Variants in COL7A1 observed in about 807,000 individuals in gnomAD.
COL7A1 encodes the protein collagen alpha-1(VII) chain.
A neutral mutation model predicts 456.2 loss-of-function variants in COL7A1; 296 were observed. The ratio of observed to expected loss-of-function variants is 0.65; its 90% CI spans 0.59 to 0.71. The LOEUF (loss-of-function observed/expected upper bound fraction) is 0.71, where lower values mean the gene tolerates loss of function less well. Among genes scored for constraint, COL7A1 ranks in the 30% least tolerant of loss-of-function variants. COL7A1 has a pLI of 0.00. For synonymous variants in COL7A1, 1,464 were observed against 1,525.9 expected (o/e 0.96, Z 0.95); for missense variants, 3,441 against 4,017.2 (o/e 0.86, Z 3.88).
chr3:48,578,232 G>A lies in COL7A1; in HGVS notation c.5532+89C>T, dbSNP rs2044461752. 1.4e-6 allele frequency: 2 copies of A among 1,454,950 alleles called. No homozygotes were observed. Among genetic ancestry groups the A allele is most frequent in the East Asian group, 2.3e-5 (1 of 43,426 alleles). The allele number at this position is 1,454,950 out of a possible 1,614,324, so 90.1% of individuals were successfully genotyped here. Reference sequence around the variant, plus strand: ...GGCCAGGATGCATGTGTCTACACGTGTGCCTCATGTGTTGCTACAGATCTT... The same window carrying A: ...GGCCAGGATGCATGTGTCTACACGTATGCCTCATGTGTTGCTACAGATCTT... On this transcript the variant is annotated intron_variant, in intron 65 of 118. Transcript: ENST00000681320. This position sits in a 1 kb window ranked among gnomAD's most constrained non-coding sequence, Gnocchi z 4.7.
At position 48,581,064 on chromosome 3, in the gene COL7A1, T is replaced by TA; in HGVS notation, c.4935+57dup. ...TGGATGAACTGGTGGAGCACCAGCC[T>TA]ACTGGGATCCTAGTTCAAGGGTAAA... On this transcript the variant is annotated intron_variant, in intron 53 of 118. Transcript: ENST00000681320. This position sits in a 1 kb window ranked among gnomAD's most constrained non-coding sequence, Gnocchi z 5.8. The TA allele has an allele frequency of 6.2e-7, 1 of 1,608,736 alleles. No homozygotes were observed. Among genetic ancestry groups the TA allele is most frequent in the East Asian group, 2.2e-5 (1 of 44,844 alleles).
In COL7A1 at chr3:48,581,167, A is replaced by G; in HGVS notation, c.4900-10T>C. 1 of 1,613,830 alleles carries G rather than the reference A, an allele frequency of 6.2e-7. No individual in the cohort carries two copies. Among genetic ancestry groups the G allele is most frequent in the African/African-American group, 1.3e-5 (1 of 75,020 alleles). On this transcript the variant is annotated splice_polypyrimidine_tract_variant and intron_variant, in intron 52 of 118. Transcript: ENST00000681320. The surrounding 1 kb of genome is among the most constrained non-coding windows in gnomAD (Gnocchi z 5.8). ...TCTCTCCAACTTCACCCTGTGAAAC[A>G]TGAGAGTCAGCCCTGGTTCCAAGAA...
rs1174035538 is a variant in COL7A1, at chr3:48,580,848, A to G, written c.4980+34T>C. 4 of 1,613,334 alleles carry G rather than the reference A, an allele frequency of 2.5e-6. No homozygotes were observed. The highest frequency in any genetic ancestry group is 1.1e-5 in the South Asian group (1 of 91,040). On this transcript the variant is annotated intron_variant, in intron 54 of 118. Transcript: ENST00000681320. This position sits in a 1 kb window ranked among gnomAD's most constrained non-coding sequence, Gnocchi z 4.5. ...CCTATCACCTTCATGCCCACCTCCC[A>G]TCACCCCTGTTACTTCTCTCTGCCA...
In COL7A1 at chr3:48,593,292, C is replaced by T; in HGVS notation, c.521-29G>A. On this transcript the variant is annotated intron_variant, in intron 5 of 118. Transcript: ENST00000681320. This position sits in a 1 kb window ranked among gnomAD's most constrained non-coding sequence, Gnocchi z 4.4. ...AAGTGACGACCCATCAGGACTCAGT[C>T]ACCCACATGCTCTCTGACTGCCCCC... 1 of 1,614,130 alleles carries T rather than the reference C, an allele frequency of 6.2e-7. No homozygotes were observed.
Position 48,594,357 on chromosome 3 carries a change from C to G in COL7A1, c.266+11G>C. On this transcript the variant is annotated intron_variant, in intron 3 of 118. Coordinates refer to ENST00000681320, the MANE Select transcript of COL7A1 (RefSeq NM_000094.4). This position sits in a 1 kb window ranked among gnomAD's most constrained non-coding sequence, Gnocchi z 5.5. Reference sequence around the variant, plus strand: ...ATCTCGTGGTCCCCAGCCCCCAGGGCCCCTACTCACCGTGGGTCATCGCTG... The same window carrying G: ...ATCTCGTGGTCCCCAGCCCCCAGGGGCCCTACTCACCGTGGGTCATCGCTG... 1 of 1,606,120 alleles carries G rather than the reference C, an allele frequency of 6.2e-7. No individual in the cohort carries two copies.
At position 48,594,241 on chromosome 3, in the gene COL7A1, GT is replaced by G; in HGVS notation, c.266+126del. 3 of 1,092,672 alleles carry G rather than the reference GT, an allele frequency of 2.7e-6. No individual in the cohort carries two copies. The highest frequency in any genetic ancestry group is 1.4e-5 in the South Asian group (1 of 69,540). 67.7% of individuals were successfully genotyped at this position (1,092,672 alleles called of 1,614,324 possible). On this transcript the variant is annotated intron_variant, in intron 3 of 118. Transcript: ENST00000681320. The surrounding 1 kb of genome is among the most constrained non-coding windows in gnomAD (Gnocchi z 5.5). ...CTCCAAAGGAGGTCCTGGCTAGGGG[GT>G]CTCTAGGTTCCCCAAAACTTGTTTC...
At position 48,580,244 on chromosome 3, in the gene COL7A1, A is replaced by T; in HGVS notation, c.5097+56T>A. 6.3e-7 allele frequency: 1 copy of T among 1,590,624 alleles called. No individual in the cohort carries two copies. On this transcript the variant is annotated intron_variant, in intron 56 of 118. Transcript: ENST00000681320. The surrounding 1 kb of genome is among the most constrained non-coding windows in gnomAD (Gnocchi z 4.5). ...ACCCCTTGTGTGAAGGCACACTGGC[A>T]GCAGCGCCAGGGGACCCTCCATCCC...
chr3:48,573,604 CAG>C lies in COL7A1; in HGVS notation c.6574-49_6574-48del. The C allele has an allele frequency of 6.2e-7, 1 of 1,613,862 alleles. No individual in the cohort carries two copies. The highest frequency in any genetic ancestry group is 1.7e-5 in the Admixed American group (1 of 59,998). On this transcript the variant is annotated intron_variant, in intron 82 of 118. Coordinates refer to ENST00000681320, the MANE Select transcript of COL7A1 (RefSeq NM_000094.4). The surrounding 1 kb of genome is among the most constrained non-coding windows in gnomAD (Gnocchi z 5.5). ...AGGGAACAGGGCTCAGGGATTAACA[CAG>C]AGAAGGCCTGGCTCATCAGCTGTGG...
Position 48,581,757 on chromosome 3 carries a change from T to C in COL7A1, c.4671A>G (p.Gly1557=). 6.2e-7 allele frequency: 1 copy of C among 1,613,838 alleles called. No individual in the cohort carries two copies. Among genetic ancestry groups the C allele is most frequent in the Non-Finnish European group, 8.5e-7 (1 of 1,179,954 alleles). Residue 1557 remains glycine (G), a splice_region_variant and synonymous_variant, in exon 49 of 119, where the codon GGA becomes GGG. Transcript: ENST00000681320. This position sits in a 1 kb window ranked among gnomAD's most constrained non-coding sequence, Gnocchi z 5.8. ...PAVAGPKGEK[G]DVGPAGPRGA... Reference sequence around the variant, plus strand: ...CTCTGGGCCCAGCGGGCCCCACATCTCCCTGGAGGTGACAAAGACCATCAG... The same window carrying C: ...CTCTGGGCCCAGCGGGCCCCACATCCCCCTGGAGGTGACAAAGACCATCAG...
chr3:48,564,959 T>C lies in COL7A1; in HGVS notation c.8642A>G (p.Asp2881Gly). 6.8e-6 allele frequency: 11 copies of C among 1,614,054 alleles called. No individual in the cohort carries two copies. The highest frequency in any genetic ancestry group is 9.3e-6 in the Non-Finnish European group (11 of 1,179,984). ...DSDDPCSLPL[D>G]EGSCTAYTLR... ...GGTGTAGGCAGTGCAGGAGCCCTCA[T>C]CCAGTGGCAGGGAACAGGGGTCTGG... Residue 2881 changes from aspartate (D) to glycine (G), a missense_variant, in exon 118 of 119, where the codon GAT (aspartate) becomes GGT (glycine). By Grantham distance (94) the Asp-to-Gly change is moderately conservative. Around this residue, in one of 3 missense-constraint regions of COL7A1, gnomAD observed 2,084 missense variants for 2,501.3 expected, o/e 0.83. Transcript: ENST00000681320. The surrounding 1 kb of genome is among the most constrained non-coding windows in gnomAD (Gnocchi z 6.0).
chr3:48,588,818 G>A lies in COL7A1; in HGVS notation c.2441-30C>T, dbSNP rs777688640. ...CCAGGTGGGCATACAGCAATGGTTAGGGGTGAGCAGTCCCAGCCAGGAAGG... is the reference window on the plus strand; with the variant it reads ...CCAGGTGGGCATACAGCAATGGTTAAGGGTGAGCAGTCCCAGCCAGGAAGG... On this transcript the variant is annotated intron_variant, in intron 19 of 118. Transcript: ENST00000681320. The surrounding 1 kb of genome is among the most constrained non-coding windows in gnomAD (Gnocchi z 4.6). 6.2e-7 allele frequency: 1 copy of A among 1,613,644 alleles called. No homozygotes were observed. Among genetic ancestry groups the A allele is most frequent in the South Asian group, 1.1e-5 (1 of 91,088 alleles).
chr3:48,578,559 C>A lies in COL7A1; in HGVS notation c.5425-44G>T. 1 of 1,599,822 alleles carries A rather than the reference C, an allele frequency of 6.3e-7. No individual in the cohort carries two copies. Among genetic ancestry groups the A allele is most frequent in the Non-Finnish European group, 8.5e-7 (1 of 1,170,248 alleles). On this transcript the variant is annotated intron_variant, in intron 63 of 118. Transcript: ENST00000681320. The surrounding 1 kb of genome is among the most constrained non-coding windows in gnomAD (Gnocchi z 4.7). ...AAGATTTATAGGGCCTCTGAGATAT[C>A]CCTTGGGGCACACCCCATGGACTAA...
Position 48,572,012 on chromosome 3 carries a change from G to A in COL7A1, c.7057C>T (p.Pro2353Ser). Residue 2353 changes from proline to serine, a missense_variant, in exon 92 of 119, where the codon CCT becomes TCT. Pro to Ser is a moderately conservative substitution (Grantham distance 74). Transcript: ENST00000681320. This position sits in a 1 kb window ranked among gnomAD's most constrained non-coding sequence, Gnocchi z 4.6. ...EAGRAGEPGD[P>S]GEDGQKGAPG... ...GGCCCCGGACTCACATCTTCCCCAGGGTCTCCGGGCTCCCCTGCACGGCCA... is the reference window on the plus strand; with the variant it reads ...GGCCCCGGACTCACATCTTCCCCAGAGTCTCCGGGCTCCCCTGCACGGCCA... 6.2e-7 allele frequency: 1 copy of A among 1,612,666 alleles called. No homozygotes were observed. Among genetic ancestry groups the A allele is most frequent in the Non-Finnish European group, 8.5e-7 (1 of 1,179,422 alleles).
rs371740479 is a variant in COL7A1 at position 48,571,993 on chromosome 3, G to A, written c.7068+8C>T. 30 of 1,611,742 alleles carry A rather than the reference G, an allele frequency of 1.9e-5. No individual in the cohort carries two copies. Among genetic ancestry groups the A allele is most frequent in the African/African-American group, 4.0e-5 (3 of 74,858 alleles). ...CCAGGCTCGCCCTTGCCTAGGCCCC[G>A]GACTCACATCTTCCCCAGGGTCTCC... is the stretch of plus-strand genomic sequence containing the variant. On this transcript the variant is annotated splice_region_variant and intron_variant, in intron 92 of 118. Coordinates refer to ENST00000681320, the MANE Select transcript of COL7A1 (RefSeq NM_000094.4). The surrounding 1 kb of genome is among the most constrained non-coding windows in gnomAD (Gnocchi z 4.6).
rs1241707059 is a variant in COL7A1, at chr3:48,565,632, T to A, written c.8440+4A>T. 1.2e-6 allele frequency: 2 copies of A among 1,613,788 alleles called. No individual in the cohort carries two copies. Among genetic ancestry groups the A allele is most frequent in the African/African-American group, 2.7e-5 (2 of 74,848 alleles). On this transcript the variant is annotated splice_donor_region_variant and intron_variant, in intron 115 of 118. Transcript: ENST00000681320. This position sits in a 1 kb window ranked among gnomAD's most constrained non-coding sequence, Gnocchi z 4.5. ...GAAAGTTCTGGGAGTAGAAAACTAC[T>A]CACGTGATCCAGATGCGATGAACTG... is the stretch of plus-strand genomic sequence containing the variant.
intron 44 of COL7A1, 70 bp downstream of exon 44, chr3:48,582,943 G>A: frequency 6.2e-7 from 1 of 1,610,134 alleles, no homozygotes; most frequent in Non-Finnish European, 8.5e-7. Flanking sequence ...AGGGGTCAAG[G>A]GCAAGAAGTC....
chr3:48,575,613 C>A lies in COL7A1; in HGVS notation c.5979+13G>T. On this transcript the variant is annotated intron_variant, in intron 73 of 118. Coordinates refer to ENST00000681320, the MANE Select transcript of COL7A1 (RefSeq NM_000094.4). This position sits in a 1 kb window ranked among gnomAD's most constrained non-coding sequence, Gnocchi z 6.3. ...CTCCACGGGGCACAACCCACTGAGC[C>A]ACTTCTGCTCACCTCCTTGCCTGGG... 1 of 1,613,100 alleles carries A rather than the reference C, an allele frequency of 6.2e-7. No individual in the cohort carries two copies. The highest frequency in any genetic ancestry group is 1.1e-5 in the South Asian group (1 of 91,090).
rs1387432970 is a variant in COL7A1, at chr3:48,588,111, A to G, written c.2710+171T>C. Among the ~76,000 whole-genome samples the G allele has an allele frequency of 2.0e-5, 3 of 151,954 alleles. No individual in the cohort carries two copies. The highest frequency in any genetic ancestry group is 4.4e-5 in the Non-Finnish European group (3 of 67,962). ...ACGGACCCTGCCAGACTGACCCTCC[A>G]TGAACTCATTGATCCCACCCACTTC... On this transcript the variant is annotated intron_variant, in intron 21 of 118. Coordinates refer to ENST00000681320, the MANE Select transcript of COL7A1 (RefSeq NM_000094.4). This position sits in a 1 kb window ranked among gnomAD's most constrained non-coding sequence, Gnocchi z 4.6.
At position 48,564,359 on chromosome 3, in the gene COL7A1, C is replaced by A. The variant is rs1219597726; in HGVS notation, c.*47G>T. 5 of 1,611,988 alleles carry A rather than the reference C, an allele frequency of 3.1e-6. No homozygotes were observed. Among genetic ancestry groups the A allele is most frequent in the Non-Finnish European group, 4.2e-6 (5 of 1,178,248 alleles). ...GAGGGACAGTGGGGTTCTGCTGAGA[C>A]CCCGACTCCTCCAGGGGATGCTGAA... On this transcript the variant is annotated 3_prime_UTR_variant, in exon 119 of 119. Transcript: ENST00000681320. The surrounding 1 kb of genome is among the most constrained non-coding windows in gnomAD (Gnocchi z 6.0).
Sources: gnomAD v4.1 joint callset for allele counts (sites outside exome capture counted in the v4.1 genomes callset) on GRCh38, gnomAD v4.1.1 for gene constraint, gnomAD v4.1.1 regional missense constraint, Gnocchi (gnomAD v3.1) non-coding constraint, MANE v1.5 for transcripts, NCBI Gene and HGNC (gene_info 2026-07-23, HGNC 2026-07-21) for gene names.